Variants in APOL3 observed in about 807,000 individuals in gnomAD.
APOL3 encodes the protein apolipoprotein L3, also known as TNF-inducible protein CG12-1.
APOL3 carries 14 observed loss-of-function variants against 11.6 expected under a neutral mutation model. The observed-to-expected ratio is 1.21, with a 90% CI of 0.80 to 1.89. The LOEUF is 1.89. Among genes scored for constraint, APOL3 ranks in the 40% most tolerant of loss-of-function variants. The probability of loss-of-function intolerance (pLI) is 0.00; values close to 1 mark genes in which losing one functional copy is unlikely to be tolerated. For synonymous variants in APOL3, 192 were observed against 190.6 expected (o/e 1.01, Z -0.06); for missense variants, 483 against 492.1 (o/e 0.98, Z 0.17).
chr22:36,164,054 C>G (rs922109259), upstream of APOL3, among the ~76,000 whole-genome samples: 1 of 152,174 alleles, frequency 6.6e-6, no homozygotes, highest in African/African-American at 2.4e-5. Context: ...GTTTTAAATG[C>G]AGTAACCAAT....
In APOL3 at chr22:36,141,432, A is replaced by G. The variant is rs143477399; in HGVS notation, c.977T>C (p.Ile326Thr). The G allele has an allele frequency of 1.3e-4, 209 of 1,613,962 alleles. No homozygotes were observed. The highest frequency in any genetic ancestry group is 1.7e-4 in the Non-Finnish European group (201 of 1,180,028). The stretch of plus-strand genomic sequence containing the variant: ...GCTCACTGCCCGGGTGGTGCCTGCA[A>G]TCGTTCTCTCTGCTTGACCACCACT... Residue 326 changes from isoleucine (I) to threonine (T), a missense_variant, in exon 3 of 3, where the codon ATT becomes ACT. By Grantham distance (89) the Ile-to-Thr change is moderately conservative. Transcript: ENST00000349314.
chr22:36,155,756 T>C, intron 1 of APOL3: 1 of 158,740 alleles, frequency 6.3e-6, no homozygotes, highest in South Asian at 1.7e-4. Context: ...ACACCCAGGG[T>C]CTCGTCCTCC....
At position 36,160,234 on chromosome 22, in the gene APOL3, C is replaced by T. The variant is rs189964004; in HGVS notation, c.223+435G>A. The stretch of plus-strand genomic sequence containing the variant: ...CTCTGTCCCCATCGGGCCTCAGCAG[C>T]AGCACCCTGGGGCCAGCCTCAGGGT... On this transcript the variant is annotated intron_variant, in intron 1 of 2. Coordinates refer to ENST00000349314, the Ensembl canonical transcript of APOL3. 6.3e-3 allele frequency among the ~76,000 whole-genome samples: 966 copies of T among 152,290 alleles called. 4 individuals are homozygous for T. Among genetic ancestry groups the T allele is most frequent in the Non-Finnish European group, 0.011 (779 of 68,018 alleles).
At chr22:36,156,158 C>T (rs1210405611) in intron 1 of APOL3, 2 of 154,846 alleles carry the variant, frequency 1.3e-5, no homozygotes, top group African/African-American at 4.8e-5. Context: ...GCAGTGGCAC[C>T]ACCATAACTC....
intron 2 of APOL3, among the ~76,000 whole-genome samples, chr22:36,142,781 G>A (rs1255628259): frequency 2.0e-5 from 3 of 152,140 alleles, no homozygotes; most frequent in Non-Finnish European, 4.4e-5. Flanking sequence ...CTTTCTCCTT[G>A]GCCAAACTCC....
intron 2 of APOL3, 105 bp from the exon 4 acceptor site, chr22:36,142,163 C>A: frequency 3.1e-6 from 4 of 1,271,246 alleles, no homozygotes; most frequent in South Asian, 3.7e-5. Context: ...TACTATGAGT[C>A]AAATGGAAAT....
intron 1 of APOL3, among the ~76,000 whole-genome samples, chr22:36,157,976 G>A (rs111425675): frequency 0.13 from 19,486 of 152,104 alleles, 1,433 homozygotes; most frequent in Non-Finnish European, 0.16. Context: ...CTTGAACCCC[G>A]GAGGTGGAGG....
intron 2 of APOL3, among the ~76,000 whole-genome samples, chr22:36,145,025 AG>A (rs753338088): frequency 0.033 from 2,740 of 83,524 alleles, 277 homozygotes; most frequent in African/African-American, 0.11. Context: ...AAAAAAAAAA[AG>A]AAAAAAAAAG....
At chr22:36,161,400 G>T (rs1028359467), upstream of APOL3, 5 of 176,638 alleles carry the variant, frequency 2.8e-5, no homozygotes, top group Non-Finnish European at 6.1e-5. Context: ...TTTTTACCAG[G>T]TTGGTTTCAA....
chr22:36,161,837 A>G (rs987803756), upstream of APOL3, among the ~76,000 whole-genome samples: 9 of 139,346 alleles, frequency 6.5e-5, no homozygotes, highest in Admixed American at 5.5e-4. Context: ...TTATTAGGTA[A>G]AAGAGATGAC....
chr22:36,142,945 G>A (rs918910130), intron 2 of APOL3, among the ~76,000 whole-genome samples: 3 of 152,196 alleles, frequency 2.0e-5, no homozygotes, highest in Non-Finnish European at 4.4e-5. Flanking sequence ...CTTGCTGTCT[G>A]ATCACGGTCT....
rs185317309 is a variant in APOL3, at chr22:36,157,980, G to A, written c.223+2689C>T. Among the ~76,000 whole-genome samples, 388 of 152,266 alleles carry A rather than the reference G, an allele frequency of 2.5e-3. 2 individuals are homozygous for A. Among genetic ancestry groups the A allele is most frequent in the African/African-American group, 8.8e-3 (365 of 41,534 alleles). On this transcript the variant is annotated intron_variant, in intron 1 of 2. Transcript: ENST00000349314. ...CAGGAGAATTGCTTGAACCCCGGAG[G>A]TGGAGGTTGCAGTGAGCTGAGATTG...
At chr22:36,159,733 C>A (rs1312443668) in intron 1 of APOL3, 2 of 152,264 alleles carry the variant, frequency 1.3e-5, no homozygotes, top group African/African-American at 4.8e-5. Flanking sequence ...GATCTACCTG[C>A]TCAACTTCCT....
intron 1 of APOL3, among the ~76,000 whole-genome samples, chr22:36,147,718 G>T (rs1167864056): frequency 6.6e-6 from 1 of 152,252 alleles, no homozygotes; most frequent in Non-Finnish European, 1.5e-5. Flanking sequence ...AAAGGATGAA[G>T]GAAACCAGGG....
intron 1 of APOL3, chr22:36,156,872 G>C: frequency 2.2e-6 from 1 of 449,464 alleles, no homozygotes; most frequent in Non-Finnish European, 4.5e-6. Flanking sequence ...CCGTGGCACA[G>C]CCTGGCTGAA....
rs1294721341 is a variant in APOL3, at chr22:36,160,660, C to G, written c.223+9G>C. 2 of 1,613,882 alleles carry G rather than the reference C, an allele frequency of 1.2e-6. No individual in the cohort carries two copies. The highest frequency in any genetic ancestry group is 2.7e-5 in the African/African-American group (2 of 74,910). Reference sequence around the variant, plus strand: ...GGAGATGGGGAAGGTCAGACCACCCCTAACTTACCAAGGAAGCTTCTCTTG... The same window carrying G: ...GGAGATGGGGAAGGTCAGACCACCCGTAACTTACCAAGGAAGCTTCTCTTG... On this transcript the variant is annotated intron_variant, in intron 1 of 2. Transcript: ENST00000349314.
chr22:36,160,892 C>A (rs755360233), exon 1 of APOL3: 1 of 1,613,132 alleles, frequency 6.2e-7, no homozygotes, highest in Non-Finnish European at 8.5e-7. Context: ...CCAGTCCCAT[C>A]CTTGGTCCAG....
intron 1 of APOL3, among the ~76,000 whole-genome samples, chr22:36,151,737 G>C (rs2011718991): frequency 6.6e-6 from 1 of 152,178 alleles, no homozygotes; most frequent in Non-Finnish European, 1.5e-5. Flanking sequence ...AGAATTCTTT[G>C]AGTCCAGGAG....
intron 2 of APOL3, among the ~76,000 whole-genome samples, chr22:36,142,565 C>T (rs1219238486): frequency 6.6e-6 from 1 of 152,134 alleles, no homozygotes; most frequent in Non-Finnish European, 1.5e-5. Context: ...CTTTGTTTCC[C>T]TGGTGGTTTG....
Sources: gnomAD v4.1 joint callset for allele counts (sites outside exome capture counted in the v4.1 genomes callset) on GRCh38, gnomAD v4.1.1 for gene constraint, MANE v1.5 for transcripts, NCBI Gene and HGNC (gene_info 2026-07-23, HGNC 2026-07-21) for gene names.